B4GALNT1: variants seen among roughly 807,000 people sequenced by gnomAD.
B4GALNT1 encodes beta-1,4 N-acetylgalactosaminyltransferase 1.
B4GALNT1 carries 43 observed loss-of-function variants against 55.2 expected under a neutral mutation model. The ratio of observed to expected loss-of-function variants is 0.78; its 90% CI spans 0.61 to 1.00. B4GALNT1 has a LOEUF of 1.00. Ranked by LOEUF, B4GALNT1 falls within the 50% of genes least tolerant of loss-of-function variation. The pLI is 0.00. For synonymous variants in B4GALNT1, 305 were observed against 311.6 expected (o/e 0.98, Z 0.22); for missense variants, 664 against 729.7 (o/e 0.91, Z 1.04).
intron 7 of B4GALNT1, 71 bp from the exon 8 acceptor site, chr12:57,628,974 C>T: frequency 1.3e-6 from 2 of 1,598,600 alleles, no homozygotes; most frequent in East Asian, 2.2e-5. Context: ...GATATCCCCT[C>T]CCAGGACTGC....
At position 57,633,168 on chromosome 12, in the gene B4GALNT1, C is replaced by G. The variant is rs959149693; in HGVS notation, c.-398G>C. 2 of 152,274 alleles carry G rather than the reference C, an allele frequency of 1.3e-5. No individual in the cohort carries two copies. The highest frequency in any genetic ancestry group is 2.4e-5 in the African/African-American group (1 of 41,474). The allele number at this position is 152,274 out of a possible 1,614,324, so 9.4% of individuals were successfully genotyped here. ...GCGCAGCGCGGCTCAGCTCCCGGCT[C>G]GTTGCGGCTGCTTCGGCTCCGCGCG... On this transcript the variant is annotated 5_prime_UTR_variant, in exon 1 of 11. Transcript: ENST00000341156.
chr12:57,630,392 T>C, intron 5 of B4GALNT1, 60 bp from the exon 6 acceptor site: 1 of 1,598,004 alleles, frequency 6.3e-7, no homozygotes, highest in Non-Finnish European at 8.6e-7. Flanking sequence ...CCTCCCTGAT[T>C]CGCCCATCCT....
chr12:57,629,808 G>T, intron 6 of B4GALNT1: 1 of 1,441,416 alleles, frequency 6.9e-7, no homozygotes, highest in South Asian at 1.5e-5. Context: ...AAGAGAAATG[G>T]GATCTCAGGA....
At position 57,631,889 on chromosome 12, in the gene B4GALNT1, GCTGCGCCGCCGCGGTCGGCA is replaced by G; in HGVS notation, c.218+6_218+25del. ...CCAGACCACCCCCAGCGAGCGCTGC[GCTGCGCCGCCGCGGTCGGCA>G]CTCACCCCACTACTTGCTCCTTGAT... is the stretch of plus-strand genomic sequence containing the variant. On this transcript the variant is annotated splice_donor_region_variant and intron_variant, in intron 2 of 10. Transcript: ENST00000341156. 7.3e-7 allele frequency: 1 copy of G among 1,371,904 alleles called. No homozygotes were observed. The highest frequency in any genetic ancestry group is 9.4e-7 in the Non-Finnish European group (1 of 1,061,948). The allele number at this position is 1,371,904 out of a possible 1,614,324, so 85.0% of individuals were successfully genotyped here. A position where few individuals can be genotyped will look rare whatever the true frequency, so the allele number is the denominator to read the frequency against.
Position 57,624,299 on chromosome 12 carries a change from T to G in B4GALNT1, c.*2445A>C. The G allele has an allele frequency of 1.6e-6, 1 of 626,210 alleles. No homozygotes were observed. The highest frequency in any genetic ancestry group is 2.9e-6 in the Non-Finnish European group (1 of 345,858). 38.8% of individuals were successfully genotyped at this position (626,210 alleles called of 1,614,324 possible). ...CCCCTTTGGCCTGAATATTTGTAAC[T>G]TCCCAACTGGTGCGGGTCATTACAT... On this transcript the variant is annotated 3_prime_UTR_variant, in exon 11 of 11. Coordinates refer to ENST00000341156, the MANE Select transcript of B4GALNT1 (RefSeq NM_001478.5).
intron 1 of B4GALNT1, 71 bp downstream of exon 1, chr12:57,632,701 C>A (rs1291289972): frequency 5.6e-6 from 1 of 177,088 alleles, no homozygotes; most frequent in Non-Finnish European, 1.2e-5. Flanking sequence ...CGCGCCTCCT[C>A]CCGCCTCCTC....
chr12:57,629,607 A>C, intron 6 of B4GALNT1: 1 of 539,010 alleles, frequency 1.9e-6, no homozygotes, highest in Non-Finnish European at 3.1e-6. Flanking sequence ...CAAACAAGTA[A>C]TGTGATAGTG....
rs756710480 is a variant in B4GALNT1, at chr12:57,628,817, G to A, written c.898C>T (p.Arg300Cys). 7.4e-6 allele frequency: 12 copies of A among 1,614,120 alleles called. No homozygotes were observed. The highest frequency in any genetic ancestry group is 1.3e-5 in the African/African-American group (1 of 74,932). ...ACGGTAACCGTTGGGTAGAAGCGGC[G>A]GATACTGGTGATGAGAGCCCGTAGC... ...DRLRALITSI[R>C]RFYPTVTVVI... Residue 300 changes from arginine (R) to cysteine (C), a missense_variant, in exon 8 of 11, where the codon CGC becomes TGC. Transcript: ENST00000341156.
Position 57,631,931 on chromosome 12 carries a change from T to C in B4GALNT1, c.202A>G (p.Lys68Glu). ...GGCACTCACCCCACTACTTGCTCCT[T>C]GATCCTGACCGGGATGTGTGCGTAG... Reference protein sequence around the residue: ...PRYAHIPVRIKEQVVGLLAWN... With the variant: ...PRYAHIPVRIEEQVVGLLAWN... Residue 68 changes from lysine (K) to glutamate (E), a missense_variant, in exon 2 of 11, where the codon AAG (lysine) becomes GAG (glutamate). Transcript: ENST00000341156. 7.0e-7 allele frequency: 1 copy of C among 1,436,112 alleles called. No homozygotes were observed. The highest frequency in any genetic ancestry group is 9.1e-7 in the Non-Finnish European group (1 of 1,094,684). 89.0% of individuals were successfully genotyped at this position (1,436,112 alleles called of 1,614,324 possible).
chr12:57,624,040 A>C lies in B4GALNT1; in HGVS notation c.*2704T>G, dbSNP rs1292699425. 6 of 1,612,822 alleles carry C rather than the reference A, an allele frequency of 3.7e-6. No individual in the cohort carries two copies. The highest frequency in any genetic ancestry group is 5.1e-6 in the Non-Finnish European group (6 of 1,179,404). Reference sequence around the variant, plus strand: ...TGCATCAACATCTCCAGCATGCGCCAGGTGTTCTGCCAGATGCAGGAACTT... The same window carrying C: ...TGCATCAACATCTCCAGCATGCGCCCGGTGTTCTGCCAGATGCAGGAACTT... On this transcript the variant is annotated 3_prime_UTR_variant, in exon 11 of 11. Transcript: ENST00000341156.
rs945649046 is a variant in B4GALNT1 at position 57,630,306 on chromosome 12, G to T, written c.558C>A (p.Thr186=). ...CAGTCACTTCCCCTGCCACGTCCCA[G>T]GTGCCTAGGGAGGCAGTCAGGTTCA... ...YQVNLTASLG[T]WDVAGEVTGV... The change falls in exon 6 of 11, where the codon ACC becomes ACA. Residue 186 remains threonine (T), a synonymous_variant. Coordinates refer to ENST00000341156, the MANE Select transcript of B4GALNT1 (RefSeq NM_001478.5). 2.5e-6 allele frequency: 4 copies of T among 1,614,116 alleles called. No individual in the cohort carries two copies. Among genetic ancestry groups the T allele is most frequent in the Non-Finnish European group, 3.4e-6 (4 of 1,179,980 alleles).
intron 8 of B4GALNT1, 114 bp from the exon 9 acceptor site, chr12:57,628,376 A>T (rs1232260575): frequency 4.0e-6 from 6 of 1,488,964 alleles, no homozygotes; most frequent in Non-Finnish European, 5.5e-6. Context: ...CAGACTTTTG[A>T]GTGCTTTCGA....
chr12:57,631,598 G>A (rs1808288127), intron 2 of B4GALNT1, among the ~76,000 whole-genome samples: 1 of 152,148 alleles, frequency 6.6e-6, no homozygotes, highest in Non-Finnish European at 1.5e-5. Context: ...AGGATTTCAG[G>A]AGCTGCCTAC....
rs1299892525 is a variant in B4GALNT1, at chr12:57,625,626, G to A, written c.*1118C>T. ...GACCCGGGTAGGACTCCTGGACAGG[G>A]TGACTCCAGATCAGCTGTTTGTGAG... On this transcript the variant is annotated 3_prime_UTR_variant, in exon 11 of 11. Transcript: ENST00000341156. 1.3e-6 allele frequency: 2 copies of A among 1,592,988 alleles called. No individual in the cohort carries two copies. The highest frequency in any genetic ancestry group is 1.7e-6 in the Non-Finnish European group (2 of 1,168,990).
chr12:57,625,860 A>T lies in B4GALNT1; in HGVS notation c.*884T>A, dbSNP rs1014402460. ...TAGTAGATTGAAGACCAAATCAGGG[A>T]GCCCGGGCTGAGCTATGGGTGAGGA... On this transcript the variant is annotated 3_prime_UTR_variant, in exon 11 of 11. Transcript: ENST00000341156. 12 of 1,254,368 alleles carry T rather than the reference A, an allele frequency of 9.6e-6. No homozygotes were observed. The African/African-American group carries it at 1.8e-4, about 19-fold the overall frequency. 77.7% of individuals were successfully genotyped at this position (1,254,368 alleles called of 1,614,324 possible). A position where few individuals can be genotyped will look rare whatever the true frequency, so the allele number is the denominator to read the frequency against.
At position 57,624,619 on chromosome 12, in the gene B4GALNT1, A is replaced by G; in HGVS notation, c.*2125T>C. On this transcript the variant is annotated 3_prime_UTR_variant, in exon 11 of 11. Coordinates refer to ENST00000341156, the MANE Select transcript of B4GALNT1 (RefSeq NM_001478.5). ...GCCGCACCCGGAGGTGGGCATAGAG[A>G]TGAGTGGAGTTGAGGTCGGGGCAGG... is the stretch of plus-strand genomic sequence containing the variant. 1 of 709,536 alleles carries G rather than the reference A, an allele frequency of 1.4e-6. No homozygotes were observed. The highest frequency in any genetic ancestry group is 1.8e-5 in the Admixed American group (1 of 55,078). The allele number at this position is 709,536 out of a possible 1,614,324, so 44.0% of individuals were successfully genotyped here. A position where few individuals can be genotyped will look rare whatever the true frequency, so the allele number is the denominator to read the frequency against.
Position 57,624,322 on chromosome 12 carries a change from C to T in B4GALNT1, c.*2422G>A. On this transcript the variant is annotated 3_prime_UTR_variant, in exon 11 of 11. Transcript: ENST00000341156. ...ACTTCCCAACTGGTGCGGGTCATTA[C>T]ATTTGGTGTGTGTCCCATTGAATCA... 6 of 630,664 alleles carry T rather than the reference C, an allele frequency of 9.5e-6. No homozygotes were observed. In the South Asian group the frequency reaches 1.1e-4, roughly 12 times the overall value. The allele number at this position is 630,664 out of a possible 1,614,324, so 39.1% of individuals were successfully genotyped here.
rs752826492 is a variant in B4GALNT1 at position 57,628,876 on chromosome 12, G to A, written c.839C>T (p.Thr280Met). ...ACGGAGGAAGGTCTTGGTGGCAATC[G>A]TGACTAGAGCGCTGATGTTGTACTG... is the stretch of plus-strand genomic sequence containing the variant. ...GAQYNISALV[T>M]IATKTFLRYD... The change falls in exon 8 of 11, where the codon ACG becomes ATG. Residue 280 changes from threonine to methionine, a missense_variant. By Grantham distance (81) the Thr-to-Met change is moderately conservative. Coordinates refer to ENST00000341156, the MANE Select transcript of B4GALNT1 (RefSeq NM_001478.5). 4.3e-6 allele frequency: 7 copies of A among 1,614,118 alleles called. No homozygotes were observed. Among genetic ancestry groups the A allele is most frequent in the African/African-American group, 1.3e-5 (1 of 74,950 alleles).
Position 57,625,502 on chromosome 12 carries a change from G to C in B4GALNT1, c.*1242C>G, listed in dbSNP as rs1253271361. 4 of 1,613,980 alleles carry C rather than the reference G, an allele frequency of 2.5e-6. No homozygotes were observed. The African/African-American group carries it at 4.0e-5, about 16-fold the overall frequency. ...GAGAAGAGCGGGGCCCAGTGCCTGG[G>C]CAATGACTGGACACCTGCGGTAGGG... On this transcript the variant is annotated 3_prime_UTR_variant, in exon 11 of 11. Coordinates refer to ENST00000341156, the MANE Select transcript of B4GALNT1 (RefSeq NM_001478.5).
Sources: gnomAD v4.1 joint callset for allele counts (sites outside exome capture counted in the v4.1 genomes callset) on GRCh38, gnomAD v4.1.1 for gene constraint, MANE v1.5 for transcripts, NCBI Gene and HGNC (gene_info 2026-07-23, HGNC 2026-07-21) for gene names.